The following YIPF1 variants were observed in gnomAD, a reference collection of about 807,000 sequenced individuals.
YIPF1 encodes the protein protein YIPF1.
Under a neutral mutation model 37.0 loss-of-function variants are expected in YIPF1, and 22 were observed. The ratio of observed to expected loss-of-function variants is 0.59; its 90% CI spans 0.42 to 0.85. The LOEUF (loss-of-function observed/expected upper bound fraction) is 0.85. Ranked by LOEUF, YIPF1 falls within the 40% of genes least tolerant of loss-of-function variation. The pLI, the probability that YIPF1 is intolerant of heterozygous loss-of-function variation, is 0.00. For synonymous variants in YIPF1, 128 were observed against 131.9 expected (o/e 0.97, Z 0.21); for missense variants, 355 against 373.1 (o/e 0.95, Z 0.40).
chr1:53,870,234 C>T (rs1365063477), intron 7 of YIPF1, among the ~76,000 whole-genome samples: 5 of 134,726 alleles, frequency 3.7e-5, no homozygotes, highest in South Asian at 2.5e-4. Flanking sequence ...TGCAGTGGTA[C>T]GATCACAGCT....
At position 53,878,336 on chromosome 1, in the gene YIPF1, G is replaced by A. The variant is rs188693383; in HGVS notation, c.343C>T (p.Arg115Cys). The A allele has an allele frequency of 4.5e-5, 73 of 1,613,894 alleles. 1 individual carries two copies. The East Asian group carries it at 5.1e-4, about 11-fold the overall frequency. ...PGKNFVRLYI[R>C]SNPDLYGPFW... is the part of the protein sequence containing the mutation. ...ATACCATAGAGATCTGGATTGCTGC[G>A]GATATATAACCTCACAAAGTTTTTC... The change falls in exon 6 of 11, where the codon CGC (arginine) becomes TGC (cysteine). Residue 115 changes from arginine (R) to cysteine (C), a missense_variant. Transcript: ENST00000072644.
intron 3 of YIPF1, among the ~76,000 whole-genome samples, chr1:53,883,853 T>G (rs1650568551): frequency 6.6e-6 from 1 of 152,076 alleles, no homozygotes; most frequent in Admixed American, 6.5e-5. Flanking sequence ...CTGGCCAACA[T>G]GGTGAAATGC....
chr1:53,865,138 C>T (rs1649984317), intron 9 of YIPF1, among the ~76,000 whole-genome samples: 1 of 152,202 alleles, frequency 6.6e-6, no homozygotes, highest in Admixed American at 6.5e-5. Context: ...ACTTCATTTT[C>T]AAGCTTTCTA....
At position 53,860,391 on chromosome 1, in the gene YIPF1, CTTAATAACCCT is replaced by C. The variant is rs550900638; in HGVS notation, c.832-249_832-239del. ...CACTTACTATATTACATGACTTACT[CTTAATAACCCT>C]ATGAGGTTGTTAGGATTATCCTCAT... On this transcript the variant is annotated intron_variant, in intron 9 of 10. Transcript: ENST00000072644. Among the ~76,000 whole-genome samples, 251 of 152,298 alleles carry C rather than the reference CTTAATAACCCT, an allele frequency of 1.6e-3. 2 individuals are homozygous for C. Among genetic ancestry groups the C allele is most frequent in the Admixed American group, 0.015 (235 of 15,294 alleles).
Position 53,883,216 on chromosome 1 carries a change from T to G in YIPF1, c.92A>C (p.Glu31Ala), listed in dbSNP as rs879037380. Reference protein sequence around the residue: ...ANPDATTVNIEDPGETPKHQP... With the variant: ...ANPDATTVNIADPGETPKHQP... ...ATGTTTTGGGGTTTCACCAGGATCC[T>G]CAATGTTTACTGTGGTGGCATCTGG... The change falls in exon 4 of 11, where the codon GAG becomes GCG. Residue 31 changes from glutamate (E) to alanine (A), a missense_variant. Transcript: ENST00000072644. The G allele has an allele frequency of 3.8e-6, 6 of 1,596,440 alleles. No homozygotes were observed. The highest frequency in any genetic ancestry group is 5.1e-6 in the Non-Finnish European group (6 of 1,172,808).
chr1:53,871,584 G>T, intron 6 of YIPF1, 96 bp from the exon 7 acceptor site: 1 of 1,071,728 alleles, frequency 9.3e-7, no homozygotes, highest in Non-Finnish European at 1.4e-6. Flanking sequence ...ATTCATGTTA[G>T]CAAAAGAAAA....
rs572384009 is a variant in YIPF1, at chr1:53,870,424, C to T, written c.481+948G>A. On this transcript the variant is annotated intron_variant, in intron 7 of 10. Coordinates refer to ENST00000072644, the MANE Select transcript of YIPF1 (RefSeq NM_018982.5). ...CTCCTCAGCTCAAGCAATCCTCCCA[C>T]CTTGGCCTCCCAAAGTGCTGGGATG... Among the ~76,000 whole-genome samples, 14 of 152,054 alleles carry T rather than the reference C, an allele frequency of 9.2e-5. No individual in the cohort carries two copies. In the South Asian group the frequency reaches 2.5e-3, roughly 27 times the overall value.
intron 6 of YIPF1, among the ~76,000 whole-genome samples, chr1:53,874,809 T>G (rs1557607812): frequency 6.6e-6 from 1 of 152,120 alleles, no homozygotes. Context: ...TCTATTCATA[T>G]CCTTCCACAA....
intron 4 of YIPF1, among the ~76,000 whole-genome samples, chr1:53,879,774 C>G (rs1650440518): frequency 6.6e-6 from 1 of 152,216 alleles, no homozygotes; most frequent in African/African-American, 2.4e-5. Context: ...GTCTGCAGCA[C>G]TCACAGAGAG....
At chr1:53,885,795 G>A (rs908038904) in intron 3 of YIPF1, among the ~76,000 whole-genome samples, 18 of 142,946 alleles carry the variant, frequency 1.3e-4, no homozygotes, top group African/African-American at 4.8e-4. Flanking sequence ...ACTCCAGCCT[G>A]GGTGACAGAG....
chr1:53,854,366 G>A (rs1390942209), intron 10 of YIPF1, among the ~76,000 whole-genome samples: 1 of 152,204 alleles, frequency 6.6e-6, no homozygotes, highest in East Asian at 1.9e-4. Context: ...GTAAGATGCT[G>A]TTGCCCTTTG....
intron 10 of YIPF1, among the ~76,000 whole-genome samples, chr1:53,855,266 C>A (rs1649690994): frequency 6.6e-6 from 1 of 151,950 alleles, no homozygotes; most frequent in Non-Finnish European, 1.5e-5. Flanking sequence ...CTCCTCCGGA[C>A]AGCCCCACCT....
At chr1:53,867,781 G>C (rs1484676839) in intron 7 of YIPF1, among the ~76,000 whole-genome samples, 1 of 152,198 alleles carries the variant, frequency 6.6e-6, no homozygotes, top group Non-Finnish European at 1.5e-5. Context: ...CTGATTAACT[G>C]CTTGAAATAT....
intron 4 of YIPF1, among the ~76,000 whole-genome samples, chr1:53,881,264 A>AAAAAAAAAAAAAAAC (rs1650492765): frequency 6.6e-6 from 1 of 150,750 alleles, no homozygotes; most frequent in African/African-American, 2.4e-5. Flanking sequence ...AAAAAAAAGA[A>AAAAAAAAAAAAAAAC]AAAGAAAGAA....
chr1:53,884,364 CATTT>C (rs1273834323), intron 3 of YIPF1, among the ~76,000 whole-genome samples: 1 of 151,974 alleles, frequency 6.6e-6, no homozygotes, highest in Non-Finnish European at 1.5e-5. Context: ...GATGATCATT[CATTT>C]ATTCAACAAA....
At chr1:53,855,664 C>T (rs1557600171) in intron 10 of YIPF1, among the ~76,000 whole-genome samples, 1 of 152,158 alleles carries the variant, frequency 6.6e-6, no homozygotes, top group African/African-American at 2.4e-5. Flanking sequence ...TAGCAACATG[C>T]CACACAGGTT....
intron 4 of YIPF1, among the ~76,000 whole-genome samples, chr1:53,880,293 T>C (rs1650456968): frequency 6.6e-6 from 1 of 151,980 alleles, no homozygotes; most frequent in Non-Finnish European, 1.5e-5. Flanking sequence ...AAATTATGAA[T>C]GAACTCTCGT....
intron 9 of YIPF1, among the ~76,000 whole-genome samples, chr1:53,863,599 G>A (rs1649942430): frequency 6.6e-6 from 1 of 152,182 alleles, no homozygotes; most frequent in Non-Finnish European, 1.5e-5. Context: ...GGCACTCCCT[G>A]CTTCAGAATT....
At chr1:53,868,219 C>T (rs1419565063) in intron 7 of YIPF1, among the ~76,000 whole-genome samples, 2 of 152,160 alleles carry the variant, frequency 1.3e-5, no homozygotes, top group Non-Finnish European at 2.9e-5. Context: ...GAAATTACTC[C>T]CATGGCTATA....
Sources: gnomAD v4.1 joint callset for allele counts (sites outside exome capture counted in the v4.1 genomes callset) on GRCh38, gnomAD v4.1.1 for gene constraint, MANE v1.5 for transcripts, NCBI Gene and HGNC (gene_info 2026-07-23, HGNC 2026-07-21) for gene names.